FRK: variants seen among roughly 807,000 people sequenced by gnomAD.
FRK encodes the protein tyrosine-protein kinase FRK.
Under a neutral mutation model 56.4 loss-of-function variants are expected in FRK, and 51 were observed. The ratio of observed to expected loss-of-function variants is 0.90; its 90% confidence interval spans 0.72 to 1.14. FRK has a LOEUF of 1.14. Among genes scored for constraint, FRK ranks in the 50% most tolerant of loss-of-function variants. The probability of loss-of-function intolerance (pLI) is 0.00; values close to 1 mark genes in which losing one functional copy is unlikely to be tolerated. For missense variants in FRK, 570 were observed against 601.4 expected, an observed-to-expected ratio of 0.95 and a Z score of 0.55; for synonymous variants, 245 against 217.9, an observed-to-expected ratio of 1.12 and a Z score of -1.10.
At chr6:116,056,079 C>A (rs1655816821) in intron 1 of FRK, among the ~76,000 whole-genome samples, 1 of 152,150 alleles carries the variant, frequency 6.6e-6, no homozygotes, top group African/African-American at 2.4e-5. Flanking sequence ...CCCCTCCTAC[C>A]AATCCCCTTT....
intron 2 of FRK, among the ~76,000 whole-genome samples, chr6:115,977,554 A>G (rs1276689393): frequency 1.3e-5 from 2 of 152,166 alleles, no homozygotes; most frequent in African/African-American, 4.8e-5. Flanking sequence ...GACTCAAGAA[A>G]GCTTACCAAA....
At chr6:115,991,671 T>G (rs1280811199) in intron 2 of FRK, among the ~76,000 whole-genome samples, 6 of 151,862 alleles carry the variant, frequency 4.0e-5, no homozygotes, top group African/African-American at 1.4e-4. Flanking sequence ...GAATTCAGTT[T>G]GCTAGTATTT....
At chr6:116,012,506 A>G (rs1775509740) in intron 1 of FRK, among the ~76,000 whole-genome samples, 1 of 152,222 alleles carries the variant, frequency 6.6e-6, no homozygotes, top group African/African-American at 2.4e-5. Context: ...ATTCTTGTTT[A>G]GATTATTCTT....
Position 115,968,730 on chromosome 6 carries a change from C to A in FRK, c.476G>T (p.Gly159Val). 2 of 1,610,512 alleles carry A rather than the reference C, an allele frequency of 1.2e-6. No individual in the cohort carries two copies. The highest frequency in any genetic ancestry group is 2.2e-5 in the South Asian group (2 of 89,944). ...AATTCTGTAGTGTTTTACAACTGCT[C>A]CATCTAAAACTGGAACCCAAAATAA... Reference protein sequence around the residue: ...KGEFSLSVLDGAVVKHYRIKR... With the variant: ...KGEFSLSVLDVAVVKHYRIKR... Residue 159 changes from glycine to valine, a missense_variant, in exon 3 of 8, where the codon GGA becomes GTA. Transcript: ENST00000606080.
intron 1 of FRK, among the ~76,000 whole-genome samples, chr6:116,014,434 A>G (rs1040370971): frequency 2.6e-5 from 4 of 152,080 alleles, no homozygotes; most frequent in Admixed American, 6.6e-5. Context: ...AAAAAAATAT[A>G]CTTTGAAAGG....
chr6:115,976,610 C>T (rs1007276267), intron 2 of FRK, among the ~76,000 whole-genome samples: 2 of 152,086 alleles, frequency 1.3e-5, no homozygotes, highest in Non-Finnish European at 2.9e-5. Flanking sequence ...TAATCTCTTC[C>T]CATACTGAGT....
At chr6:116,073,369 T>C in the FRK span, among the ~76,000 whole-genome samples, 1 of 152,180 alleles carries the variant, frequency 6.6e-6, no homozygotes, top group Non-Finnish European at 1.5e-5. Flanking sequence ...ATTTATTTTC[T>C]TAAGTGATGA....
intron 2 of FRK, among the ~76,000 whole-genome samples, chr6:115,990,488 T>C (rs1353157577): frequency 6.6e-6 from 1 of 151,962 alleles, no homozygotes; most frequent in African/African-American, 2.4e-5. Context: ...TTCTTCTGCA[T>C]ACGGCTACAC....
upstream of FRK, among the ~76,000 whole-genome samples, chr6:116,064,146 G>A (rs770875702): frequency 2.0e-5 from 3 of 152,128 alleles, no homozygotes; most frequent in South Asian, 2.1e-4. Flanking sequence ...GACATAGTTC[G>A]CCAAATGACC....
At chr6:116,025,690 T>C (rs549630703) in intron 1 of FRK, among the ~76,000 whole-genome samples, 2 of 152,336 alleles carry the variant, frequency 1.3e-5, no homozygotes, top group East Asian at 1.9e-4. Flanking sequence ...TCTTTATTTG[T>C]TATAGCCTAC....
intron 5 of FRK, among the ~76,000 whole-genome samples, chr6:115,946,851 C>A (rs1334284456): frequency 2.0e-5 from 3 of 152,008 alleles, no homozygotes; most frequent in African/African-American, 4.8e-5. Flanking sequence ...CAAGTAAGTC[C>A]ATGAAGAAAA....
rs753688717 is a variant in FRK, at chr6:115,956,570, T to C, written c.840A>G (p.Ile280Met). ...DPNDFLREAQ[I>M]MKNLRHPKLI... ...GCTTTGGATGTCTTAGGTTCTTCAT[T>C]ATCTGTGCCTCCCTCAGGAAGTCAT... is the stretch of plus-strand genomic sequence containing the variant. Residue 280 changes from isoleucine to methionine, a missense_variant, in exon 5 of 8, where the codon ATA becomes ATG. Transcript: ENST00000606080. The C allele has an allele frequency of 4.4e-6, 7 of 1,588,632 alleles. No individual in the cohort carries two copies. Among genetic ancestry groups the C allele is most frequent in the Non-Finnish European group, 6.0e-6 (7 of 1,168,540 alleles).
rs931040613 is a variant in FRK, at chr6:116,060,608, C to A, written c.-297G>T. 4 of 292,220 alleles carry A rather than the reference C, an allele frequency of 1.4e-5. No homozygotes were observed. The highest frequency in any genetic ancestry group is 2.5e-5 in the Non-Finnish European group (4 of 157,594). 18.1% of individuals were successfully genotyped at this position (292,220 alleles called of 1,614,324 possible). A position where few individuals can be genotyped will look rare whatever the true frequency, so the allele number is the denominator to read the frequency against. ...TTTTCTTCTTATCTGCTTAAGAATC[C>A]CACAACAAAAATAAAATAAAATTAA... On this transcript the variant is annotated 5_prime_UTR_variant, in exon 1 of 8. Coordinates refer to ENST00000606080, the MANE Select transcript of FRK (RefSeq NM_002031.3).
intron 2 of FRK, among the ~76,000 whole-genome samples, chr6:116,000,109 A>G (rs182991680): frequency 1.3e-5 from 2 of 152,206 alleles, no homozygotes; most frequent in East Asian, 3.9e-4. Flanking sequence ...TTTGTTCCAT[A>G]ACATTCTACT....
intron 2 of FRK, among the ~76,000 whole-genome samples, chr6:115,993,560 C>T (rs975554335): frequency 6.6e-6 from 1 of 151,772 alleles, no homozygotes; most frequent in Non-Finnish European, 1.5e-5. Context: ...TAAAAGAGGG[C>T]TTGGCCTGAC....
chr6:115,970,416 C>A lies in FRK; in HGVS notation c.467-1677G>T, dbSNP rs368153055. 3.3e-5 allele frequency among the ~76,000 whole-genome samples: 5 copies of A among 152,260 alleles called. No individual in the cohort carries two copies. The South Asian group carries it at 1.0e-3, about 32-fold the overall frequency. ...TTGCCTGATTTGTAAGGGTTCAAACCTGGAAACAATCCAAATGTTCATCAA... is the reference window on the plus strand; with the variant it reads ...TTGCCTGATTTGTAAGGGTTCAAACATGGAAACAATCCAAATGTTCATCAA... On this transcript the variant is annotated intron_variant, in intron 2 of 7. Coordinates refer to ENST00000606080, the MANE Select transcript of FRK (RefSeq NM_002031.3).
chr6:115,992,298 C>G (rs1463048773), intron 2 of FRK, among the ~76,000 whole-genome samples: 4 of 151,632 alleles, frequency 2.6e-5, no homozygotes, highest in African/African-American at 9.7e-5. Flanking sequence ...CCTTATAAAT[C>G]CCTTCAAAAG....
chr6:115,985,223 T>C (rs972535017), intron 2 of FRK, among the ~76,000 whole-genome samples: 1 of 152,140 alleles, frequency 6.6e-6, no homozygotes, highest in Non-Finnish European at 1.5e-5. Flanking sequence ...GTTCCATGCA[T>C]AGTAACTACT....
At chr6:116,011,367 T>C (rs957926427) in intron 1 of FRK, among the ~76,000 whole-genome samples, 3 of 152,082 alleles carry the variant, frequency 2.0e-5, no homozygotes, top group Non-Finnish European at 2.9e-5. Context: ...TTTACAAAAG[T>C]TAACATATGA....
Sources: gnomAD v4.1 joint callset for allele counts (sites outside exome capture counted in the v4.1 genomes callset) on GRCh38, gnomAD v4.1.1 for gene constraint, MANE v1.5 for transcripts, NCBI Gene and HGNC (gene_info 2026-07-23, HGNC 2026-07-21) for gene names.